Variants in CHEK1 observed in about 807,000 individuals in gnomAD.
CHEK1 encodes checkpoint kinase 1, also known as serine/threonine-protein kinase Chk1.
CHEK1 carries 32 observed loss-of-function variants against 60.2 expected under a neutral mutation model. That is an observed-to-expected ratio of 0.53 (90% CI 0.40 to 0.71). The LOEUF (loss-of-function observed/expected upper bound fraction) is 0.71. CHEK1 is among the 30% of genes least tolerant of loss of function. The pLI is 0.00. For synonymous variants in CHEK1, 179 were observed against 187.2 expected (o/e 0.96, Z 0.36); for missense variants, 399 against 564.6 (o/e 0.71, Z 2.97).
intron 5 of CHEK1, 94 bp from the exon 6 acceptor site, chr11:125,633,069 C>T: frequency 9.1e-7 from 1 of 1,098,520 alleles, no homozygotes; most frequent in South Asian, 1.7e-5. Flanking sequence ...TTAAGTAACA[C>T]CAGTGATTTT....
chr11:125,678,983 T>TATATATATATATATATATATAC (rs1942658341), downstream of CHEK1, among the ~76,000 whole-genome samples: 1 of 138,266 alleles, frequency 7.2e-6, no homozygotes, highest in Non-Finnish European at 1.6e-5. Context: ...GCATATTATA[T>TATATATATATATATATATATAC]ATATATATAT....
intron 1 of CHEK1, 82 bp downstream of exon 1, chr11:125,626,094 G>A (rs371109558): frequency 1.1e-5 from 7 of 655,108 alleles, no homozygotes; most frequent in South Asian, 9.9e-5. Flanking sequence ...GGGCATGGTG[G>A]GAGAAAGTTA....
At chr11:125,677,710 A>C (rs1942577792), downstream of CHEK1, 5 of 1,537,122 alleles carry the variant, frequency 3.3e-6, no homozygotes, top group African/African-American at 1.4e-5. Context: ...TTTCTTCTGC[A>C]CTCCTTCCCT....
At chr11:125,672,787 C>T in intron 13 of CHEK1, 1 of 1,582,456 alleles carries the variant, frequency 6.3e-7, no homozygotes, top group Non-Finnish European at 8.6e-7. Context: ...ATCTGTGATG[C>T]TCAGTGTCTC....
chr11:125,628,892 A>C (rs553934059), intron 3 of CHEK1, among the ~76,000 whole-genome samples: 1 of 152,322 alleles, frequency 6.6e-6, no homozygotes, highest in South Asian at 2.1e-4. Context: ...TGAGAAAAAT[A>C]ATTAGCATAG....
intron 11 of CHEK1, among the ~76,000 whole-genome samples, chr11:125,652,127 CTT>C (rs2136056048): frequency 6.6e-6 from 1 of 152,296 alleles, no homozygotes; most frequent in African/African-American, 2.4e-5. Context: ...ATTACAAAAA[CTT>C]TTGTAATTTG....
At chr11:125,678,963 A>G (rs1422713039), downstream of CHEK1, among the ~76,000 whole-genome samples, 2 of 56,066 alleles carry the variant, frequency 3.6e-5, no homozygotes, top group African/African-American at 6.7e-5. Flanking sequence ...GTAAAAAAAA[A>G]AAAGTCTAGG....
Position 125,626,647 on chromosome 11 carries a change from G to T in CHEK1, c.-20-102G>T. 1.1e-6 allele frequency: 1 copy of T among 937,998 alleles called. No homozygotes were observed. The highest frequency in any genetic ancestry group is 1.7e-6 in the Non-Finnish European group (1 of 574,854). 58.1% of individuals were successfully genotyped at this position (937,998 alleles called of 1,614,324 possible). A position where few individuals can be genotyped will look rare whatever the true frequency, so the allele number is the denominator to read the frequency against. ...TGGATGAGATAGAAGGGGAAGGCAAGAGCTGTTAATTTTCGTGGGCAATCC... is the reference window on the plus strand; with the variant it reads ...TGGATGAGATAGAAGGGGAAGGCAATAGCTGTTAATTTTCGTGGGCAATCC... On this transcript the variant is annotated intron_variant, in intron 1 of 12. Transcript: ENST00000438015.
At chr11:125,658,326 G>A (rs1053671222), downstream of CHEK1, among the ~76,000 whole-genome samples, 4 of 152,182 alleles carry the variant, frequency 2.6e-5, no homozygotes, top group Non-Finnish European at 5.9e-5. Context: ...AATGATATAT[G>A]TGTGGTGTTA....
intron 5 of CHEK1, 138 bp downstream of exon 5, chr11:125,629,598 T>C: frequency 1.5e-6 from 1 of 656,128 alleles, no homozygotes; most frequent in Non-Finnish European, 2.4e-6. Flanking sequence ...AGACAAGATC[T>C]GAAAAATCAA....
At chr11:125,680,809 T>C, downstream of CHEK1, 1 of 1,594,882 alleles carries the variant, frequency 6.3e-7, no homozygotes, top group Non-Finnish European at 8.6e-7. Flanking sequence ...GGGACCCCAG[T>C]GTGGGCCACA....
At chr11:125,646,211 T>C (rs987301937) in intron 11 of CHEK1, among the ~76,000 whole-genome samples, 59 of 152,298 alleles carry the variant, frequency 3.9e-4, no homozygotes, top group African/African-American at 1.4e-3. Flanking sequence ...TTTTTGGACA[T>C]TTTATATAAA....
rs1431220464 is a variant in CHEK1 at position 125,656,133 on chromosome 11, G to A, written c.*813G>A. 2 of 211,634 alleles carry A rather than the reference G, an allele frequency of 9.5e-6. No homozygotes were observed. Among genetic ancestry groups the A allele is most frequent in the South Asian group, 1.9e-4 (1 of 5,368 alleles). 13.1% of individuals were successfully genotyped at this position (211,634 alleles called of 1,614,324 possible). ...ATAAGAAAAATAGATCTGATTCTTTGTTCCTTTACCTGTTAGACTTACAAA... is the reference window on the plus strand; with the variant it reads ...ATAAGAAAAATAGATCTGATTCTTTATTCCTTTACCTGTTAGACTTACAAA... On this transcript the variant is annotated 3_prime_UTR_variant, in exon 13 of 13. Coordinates refer to ENST00000438015, the MANE Select transcript of CHEK1 (RefSeq NM_001114122.3).
intron 13 of CHEK1, among the ~76,000 whole-genome samples, chr11:125,664,168 ATATCTCAATGTGG>A (rs1037447241): frequency 1.4e-4 from 21 of 151,688 alleles, no homozygotes; most frequent in South Asian, 2.1e-4. Flanking sequence ...AACAGGAGAG[ATATCTCAATGTGG>A]TATCTCAATG....
chr11:125,662,022 C>A (rs952862631), downstream of CHEK1, among the ~76,000 whole-genome samples: 5 of 152,162 alleles, frequency 3.3e-5, no homozygotes, highest in African/African-American at 1.2e-4. Context: ...CCTCATGATA[C>A]CCTTTTATAG....
intron 1 of CHEK1, chr11:125,626,300 G>A (rs773306396): frequency 4.1e-6 from 2 of 491,742 alleles, no homozygotes; most frequent in Non-Finnish European, 7.3e-6. Flanking sequence ...CCGGCCTTTG[G>A]GACGGGTGGG....
intron 1 of CHEK1, 124 bp from the exon 2 acceptor site, chr11:125,626,625 A>G (rs879667337): frequency 1.7e-5 from 13 of 755,738 alleles, no homozygotes; most frequent in East Asian, 1.5e-4. Flanking sequence ...ATAAATGTGG[A>G]TGAGATAGAA....
downstream of CHEK1, chr11:125,678,136 C>T (rs1186880699): frequency 6.2e-7 from 1 of 1,614,064 alleles, no homozygotes; most frequent in Non-Finnish European, 8.5e-7. Flanking sequence ...GAACCATGCT[C>T]ACTGGAACCA....
At chr11:125,632,713 T>C (rs556567085) in intron 5 of CHEK1, among the ~76,000 whole-genome samples, 4 of 152,216 alleles carry the variant, frequency 2.6e-5, no homozygotes, top group Admixed American at 1.3e-4. Flanking sequence ...TGAATTTTGG[T>C]GTGTCTTCAC....
Sources: allele counts gnomAD v4.1 joint callset (sites outside exome capture counted in the v4.1 genomes callset), GRCh38; gene constraint gnomAD v4.1.1; transcripts MANE v1.5; gene names NCBI Gene and HGNC (gene_info 2026-07-23, HGNC 2026-07-21).